Variants in MAPK6 observed in about 807,000 individuals in gnomAD.
MAPK6 encodes mitogen-activated protein kinase 6.
MAPK6 carries 19 observed loss-of-function variants against 59.3 expected under a neutral mutation model. The observed-to-expected ratio is 0.32, with a 90% confidence interval of 0.22 to 0.47. MAPK6 has a LOEUF of 0.47. Ranked by LOEUF, MAPK6 falls within the 20% of genes least tolerant of loss-of-function variation. The pLI is 1.00. For synonymous variants in MAPK6, 316 were observed against 290.3 expected, an observed-to-expected ratio of 1.09 and a Z score of -0.90; for missense variants, 724 against 847.9, an observed-to-expected ratio of 0.85 and a Z score of 1.81.
chr15:51,973,491 G>A (rs2057146149), intron 1 of MAPK6, among the ~76,000 whole-genome samples: 1 of 151,856 alleles, frequency 6.6e-6, no homozygotes, highest in South Asian at 2.1e-4. Flanking sequence ...ACAAGTATGG[G>A]CCACAGTGCC....
At chr15:51,990,751 CCAT>C (rs2141816200) in intron 2 of MAPK6, among the ~76,000 whole-genome samples, 1 of 152,312 alleles carries the variant, frequency 6.6e-6, no homozygotes, top group South Asian at 2.1e-4. Context: ...GAGATCGAGA[CCAT>C]TCTGGCTAAC....
rs541330404 is a variant in MAPK6, at chr15:52,054,743, CACACACAT to C, written c.701-3888_701-3881del. Among the ~76,000 whole-genome samples the C allele has an allele frequency of 2.2e-4, 33 of 150,682 alleles. 1 individual carries two copies. The South Asian group carries it at 6.7e-3, about 31-fold the overall frequency. Reference sequence around the variant, plus strand: ...ACATATATCTATACACACACACACACACACACATATACACATACATAGATACACACATA... The same window carrying C: ...ACATATATCTATACACACACACACACATACACATACATAGATACACACATA... On this transcript the variant is annotated intron_variant, in intron 3 of 5. Coordinates refer to ENST00000261845, the MANE Select transcript of MAPK6 (RefSeq NM_002748.4).
intron 1 of MAPK6, among the ~76,000 whole-genome samples, chr15:52,022,005 A>AG (rs910428915): frequency 2.6e-5 from 4 of 151,994 alleles, no homozygotes; most frequent in Admixed American, 2.6e-4. Context: ...TAAGATTGAG[A>AG]GGGGGAAAAA....
chr15:52,063,501 TC>T (rs2141134221), intron 5 of MAPK6, among the ~76,000 whole-genome samples: 1 of 149,392 alleles, frequency 6.7e-6, no homozygotes, highest in African/African-American at 2.5e-5. Context: ...TGATGAGTTT[TC>T]CAGCAAACCT....
At chr15:51,981,570 A>G (rs1256467952) in intron 1 of MAPK6, among the ~76,000 whole-genome samples, 1 of 152,252 alleles carries the variant, frequency 6.6e-6, no homozygotes, top group Admixed American at 6.5e-5. Context: ...TTCTTAGGAC[A>G]GAAGCAAAGT....
chr15:51,985,240 G>T (rs1566893812), intron 2 of MAPK6, among the ~76,000 whole-genome samples: 1 of 152,060 alleles, frequency 6.6e-6, no homozygotes, highest in South Asian at 2.1e-4. Context: ...CTACTCAGGA[G>T]GCTGAGGCAG....
intron 1 of MAPK6, among the ~76,000 whole-genome samples, chr15:52,025,021 A>C (rs990390386): frequency 1.3e-5 from 2 of 151,410 alleles, no homozygotes; most frequent in African/African-American, 4.9e-5. Context: ...ATTCAGTTTG[A>C]GAAGCACTGC....
intron 5 of MAPK6, 29 bp from the exon 6 acceptor site, chr15:52,063,873 A>G (rs779407766): frequency 6.6e-7 from 1 of 1,521,168 alleles, no homozygotes; most frequent in Non-Finnish European, 8.8e-7. Context: ...ATATACGTAG[A>G]ATAACGCTAG....
At chr15:52,034,834 A>T (rs138265430) in intron 1 of MAPK6, among the ~76,000 whole-genome samples, 4 of 152,014 alleles carry the variant, frequency 2.6e-5, no homozygotes, top group African/African-American at 9.7e-5. Context: ...AGTACCTGGG[A>T]GTACAGGTGT....
chr15:51,983,157 T>G (rs536969397), intron 1 of MAPK6, among the ~76,000 whole-genome samples: 5 of 152,288 alleles, frequency 3.3e-5, no homozygotes, highest in Non-Finnish European at 7.4e-5. Context: ...CCCAGGGTCA[T>G]AAATTTCTAT....
At chr15:51,990,589 G>A (rs2057204981) in intron 2 of MAPK6, among the ~76,000 whole-genome samples, 1 of 152,202 alleles carries the variant, frequency 6.6e-6, no homozygotes, top group Non-Finnish European at 1.5e-5. Flanking sequence ...GCCGAGGCAG[G>A]CGGATCACCT....
At chr15:51,998,831 C>T (rs1398848490) in intron 2 of MAPK6, among the ~76,000 whole-genome samples, 1 of 150,314 alleles carries the variant, frequency 6.7e-6, no homozygotes, top group Non-Finnish European at 1.5e-5. Context: ...GCTGGGACTA[C>T]AGGCACCTGC....
chr15:52,059,899 G>C (rs1231207265), intron 4 of MAPK6, among the ~76,000 whole-genome samples: 3 of 152,172 alleles, frequency 2.0e-5, no homozygotes, highest in African/African-American at 4.8e-5. Flanking sequence ...CACATTCTGA[G>C]GCAGTGGCAA....
chr15:52,021,233 A>C (rs1348897837), intron 1 of MAPK6, among the ~76,000 whole-genome samples: 5 of 152,192 alleles, frequency 3.3e-5, no homozygotes, highest in Non-Finnish European at 7.3e-5. Flanking sequence ...AACTGACAAA[A>C]TAGTAAGGTT....
intron 1 of MAPK6, among the ~76,000 whole-genome samples, chr15:51,977,815 G>A (rs1040955714): frequency 1.3e-5 from 2 of 151,828 alleles, no homozygotes; most frequent in African/African-American, 4.8e-5. Flanking sequence ...GGGATTATAG[G>A]AACAAGACAC....
intron 4 of MAPK6, among the ~76,000 whole-genome samples, chr15:52,059,736 A>G (rs906051042): frequency 3.9e-5 from 6 of 152,240 alleles, no homozygotes; most frequent in South Asian, 2.1e-4. Context: ...TTTATTAACC[A>G]TTGAGCAAAG....
chr15:52,017,939 C>G (rs898641979), upstream of MAPK6: 1 of 152,140 alleles, frequency 6.6e-6, no homozygotes, highest in African/African-American at 2.4e-5. Flanking sequence ...CACTCATTAC[C>G]TCTTCTTCAC....
At chr15:51,981,794 T>C (rs533612663) in intron 1 of MAPK6, among the ~76,000 whole-genome samples, 2 of 151,864 alleles carry the variant, frequency 1.3e-5, no homozygotes, top group East Asian at 3.9e-4. Context: ...GAAAGGAGGA[T>C]GGGGTACGGA....
In MAPK6 at chr15:52,064,867, G is replaced by A; in HGVS notation, c.2033G>A (p.Gly678Asp). The A allele has an allele frequency of 1.2e-6, 2 of 1,611,904 alleles. No individual in the cohort carries two copies. Among genetic ancestry groups the A allele is most frequent in the Non-Finnish European group, 1.7e-6 (2 of 1,179,818 alleles). Residue 678 changes from glycine (G) to aspartate (D), a missense_variant, in exon 6 of 6, where the codon GGC becomes GAC. Around this residue, in one of 4 missense-constraint regions of MAPK6, gnomAD observed 502 missense variants for 507.6 expected, o/e 0.99. Coordinates refer to ENST00000261845, the MANE Select transcript of MAPK6 (RefSeq NM_002748.4). Reference protein sequence around the residue: ...FLFNKQLESIGIPQFHSPVGS... With the variant: ...FLFNKQLESIDIPQFHSPVGS... ...TTTAACAAGCAGCTCGAGTCCATAG[G>A]CATCCCACAGTTTCACAGTCCAGTT... is the stretch of plus-strand genomic sequence containing the variant.
Sources: gnomAD v4.1 joint callset for allele counts (sites outside exome capture counted in the v4.1 genomes callset) on GRCh38, gnomAD v4.1.1 for gene constraint, gnomAD v4.1.1 regional missense constraint, MANE v1.5 for transcripts, NCBI Gene and HGNC (gene_info 2026-07-23, HGNC 2026-07-21) for gene names.